PADI4: variants seen among roughly 807,000 people sequenced by gnomAD.
PADI4 encodes peptidyl arginine deiminase 4.
Under a neutral mutation model 75.0 loss-of-function variants are expected in PADI4, and 62 were observed. The ratio of observed to expected loss-of-function variants is 0.83; its 90% confidence interval spans 0.67 to 1.02. The LOEUF is 1.02. Among genes scored for constraint, PADI4 ranks in the 50% least tolerant of loss-of-function variants. The probability of loss-of-function intolerance (pLI) is 0.00; values close to 1 mark genes in which losing one functional copy is unlikely to be tolerated. For synonymous variants in PADI4, 361 were observed against 348.1 expected, an observed-to-expected ratio of 1.04 and a Z score of -0.41; for missense variants, 845 against 850.5, an observed-to-expected ratio of 0.99 and a Z score of 0.08.
rs772971178 is a variant in PADI4 at position 17,363,564 on chromosome 1, C to T, written c.1801C>T (p.Pro601Ser). ...VLGKHLGIPK[P>S]FGPVINGRCC... ...AGGGAAGCACCTGGGCATCCCCAAG[C>T]CCTTCGGGCCCGTCATCAACGGCCG... The change falls in exon 16 of 16, where the codon CCC becomes TCC. Residue 601 changes from proline to serine, a missense_variant. Pro to Ser is a moderately conservative substitution (Grantham distance 74). Coordinates refer to ENST00000375448, the MANE Select transcript of PADI4 (RefSeq NM_012387.3). The T allele has an allele frequency of 1.2e-6, 2 of 1,614,028 alleles. No individual in the cohort carries two copies. The highest frequency in any genetic ancestry group is 2.2e-5 in the South Asian group (2 of 91,052).
chr1:17,347,353 G>T (rs2074535014), intron 9 of PADI4, among the ~76,000 whole-genome samples: 1 of 152,186 alleles, frequency 6.6e-6, no homozygotes, highest in African/African-American at 2.4e-5. Flanking sequence ...TTATAGTAGT[G>T]ATTATGTCCA....
In PADI4 at chr1:17,331,106, C is replaced by T. The variant is rs776514433; in HGVS notation, c.230C>T (p.Thr77Ile). 6.2e-7 allele frequency: 1 copy of T among 1,612,146 alleles called. No homozygotes were observed. The highest frequency in any genetic ancestry group is 8.5e-7 in the Non-Finnish European group (1 of 1,179,178). The change falls in exon 2 of 16, where the codon ACC becomes ATC. Residue 77 changes from threonine to isoleucine, a missense_variant. Coordinates refer to ENST00000375448, the MANE Select transcript of PADI4 (RefSeq NM_012387.3). ...TWPLDPGVEVTLTMKVASGST... is the reference protein window; with the variant it reads ...TWPLDPGVEVILTMKVASGST... ...CCCCTGGACCCTGGGGTAGAGGTGA[C>T]CCTGACGATGAAAGTGGCCAGTGGT...
chr1:17,315,650 A>G (rs2073920013), intron 1 of PADI4, among the ~76,000 whole-genome samples: 1 of 151,890 alleles, frequency 6.6e-6, no homozygotes, highest in South Asian at 2.1e-4. Context: ...GACCCCCAAC[A>G]CTGGCTCCTT....
intron 1 of PADI4, among the ~76,000 whole-genome samples, chr1:17,325,587 G>C (rs2074104584): frequency 6.6e-6 from 1 of 151,594 alleles, no homozygotes; most frequent in South Asian, 2.1e-4. Context: ...GTCAATATTG[G>C]CAGTTTTTTT....
At chr1:17,357,436 G>T (rs1199063994) in intron 13 of PADI4, among the ~76,000 whole-genome samples, 1 of 152,102 alleles carries the variant, frequency 6.6e-6, no homozygotes, top group Non-Finnish European at 1.5e-5. Context: ...CAAAGTGCTG[G>T]GGTTACAGGC....
intron 1 of PADI4, 66 bp downstream of exon 1, chr1:17,308,380 G>A (rs2073710626): frequency 8.0e-7 from 1 of 1,256,086 alleles, no homozygotes; most frequent in African/African-American, 1.5e-5. Context: ...CAGTTCTACT[G>A]ACACAGGAGC....
At position 17,342,188 on chromosome 1, in the gene PADI4, G is replaced by A. The variant is rs572964418; in HGVS notation, c.831+67G>A. The A allele has an allele frequency of 8.1e-5, 124 of 1,530,980 alleles. No individual in the cohort carries two copies. The African/African-American group carries it at 1.4e-3, about 17-fold the overall frequency. The allele number at this position is 1,530,980 out of a possible 1,614,324, so 94.8% of individuals were successfully genotyped here. ...CAGGCAGTGGCCTGGCTAGGGAAAG[G>A]GGTACAGAGCCCAGCTGGGCAGGGG... is the stretch of plus-strand genomic sequence containing the variant. On this transcript the variant is annotated intron_variant, in intron 7 of 15. Transcript: ENST00000375448.
At chr1:17,352,855 G>C (rs965328423) in intron 10 of PADI4, among the ~76,000 whole-genome samples, 2 of 152,186 alleles carry the variant, frequency 1.3e-5, no homozygotes, top group Non-Finnish European at 1.5e-5. Flanking sequence ...CCAGAGATGC[G>C]AACATGAGGG....
intron 10 of PADI4, among the ~76,000 whole-genome samples, chr1:17,353,320 G>A (rs1020866479): frequency 2.0e-5 from 3 of 152,110 alleles, no homozygotes; most frequent in Non-Finnish European, 4.4e-5. Flanking sequence ...TTAAAAATTA[G>A]CCAGGTTGTG....
chr1:17,332,092 G>T (rs1005252441), intron 2 of PADI4, among the ~76,000 whole-genome samples: 1 of 152,142 alleles, frequency 6.6e-6, no homozygotes, highest in African/African-American at 2.4e-5. Context: ...GCTGTCAGCA[G>T]TCTGATCTGT....
At chr1:17,327,458 ATC>A (rs1352933088) in intron 1 of PADI4, among the ~76,000 whole-genome samples, 14 of 152,104 alleles carry the variant, frequency 9.2e-5, no homozygotes, top group African/African-American at 3.4e-4. Flanking sequence ...GTTTCTTATA[ATC>A]AGTATATTAC....
chr1:17,328,529 C>A (rs144234160), intron 1 of PADI4, among the ~76,000 whole-genome samples: 2,429 of 152,114 alleles, frequency 0.016, 34 homozygotes, highest in Non-Finnish European at 0.024. Context: ...CACCTGTAGT[C>A]CCTGCTACTT....
In PADI4 at chr1:17,322,666, T is replaced by A. The variant is rs555120676; in HGVS notation, c.93-8303T>A. ...TATTTATGAACCATGAGAGGCAGGT[T>A]TGAGGGACCCAGTTCCCAGGACTCT... On this transcript the variant is annotated intron_variant, in intron 1 of 15. Coordinates refer to ENST00000375448, the MANE Select transcript of PADI4 (RefSeq NM_012387.3). Among the ~76,000 whole-genome samples the A allele has an allele frequency of 1.9e-3, 290 of 152,262 alleles. 2 individuals are homozygous for A. Among genetic ancestry groups the A allele is most frequent in the African/African-American group, 6.7e-3 (277 of 41,550 alleles).
chr1:17,318,010 A>T (rs1455267205), intron 1 of PADI4, among the ~76,000 whole-genome samples: 1 of 152,196 alleles, frequency 6.6e-6, no homozygotes, highest in East Asian at 1.9e-4. Flanking sequence ...ACCTCCTCTC[A>T]GAAAAACCAA....
Position 17,346,797 on chromosome 1 carries a change from A to G in PADI4, c.1047+658A>G, listed in dbSNP as rs894883640. ...TGCTGTCTCTTGGACCCATCTCCCC[A>G]TTCCCATCCCCCATCTCCAATCCAT... is the stretch of plus-strand genomic sequence containing the variant. On this transcript the variant is annotated intron_variant, in intron 9 of 15. Coordinates refer to ENST00000375448, the MANE Select transcript of PADI4 (RefSeq NM_012387.3). The surrounding 1 kb of genome is among the most constrained non-coding windows in gnomAD (Gnocchi z 4.3). Among the ~76,000 whole-genome samples, 2 of 151,014 alleles carry G rather than the reference A, an allele frequency of 1.3e-5. No homozygotes were observed. The highest frequency in any genetic ancestry group is 4.9e-5 in the African/African-American group (2 of 41,016).
chr1:17,345,984 TC>T (rs770232774), intron 8 of PADI4, 43 bp from the exon 9 acceptor site: 10 of 1,320,474 alleles, frequency 7.6e-6, no homozygotes, highest in Non-Finnish European at 1.1e-5. Context: ...AGGCTGAGCT[TC>T]AAATTCCAGA....
Position 17,346,816 on chromosome 1 carries a change from A to C in PADI4, c.1047+677A>C, listed in dbSNP as rs2074524409. ...CTCCCCATTCCCATCCCCCATCTCCAATCCATACCGGTGAATCCCAGCACA... is the reference window on the plus strand; with the variant it reads ...CTCCCCATTCCCATCCCCCATCTCCCATCCATACCGGTGAATCCCAGCACA... On this transcript the variant is annotated intron_variant, in intron 9 of 15. Coordinates refer to ENST00000375448, the MANE Select transcript of PADI4 (RefSeq NM_012387.3). This position sits in a 1 kb window ranked among gnomAD's most constrained non-coding sequence, Gnocchi z 4.3. Among the ~76,000 whole-genome samples the C allele has an allele frequency of 6.7e-6, 1 of 150,050 alleles. No homozygotes were observed. The highest frequency in any genetic ancestry group is 1.5e-5 in the Non-Finnish European group (1 of 67,542).
intron 10 of PADI4, among the ~76,000 whole-genome samples, chr1:17,353,520 C>T (rs530988601): frequency 6.6e-6 from 1 of 152,078 alleles, no homozygotes; most frequent in Admixed American, 6.5e-5. Flanking sequence ...AGTTCATGGC[C>T]CCCATGAAGC....
intron 13 of PADI4, among the ~76,000 whole-genome samples, chr1:17,358,584 T>C (rs370129336): frequency 1.9e-4 from 2 of 10,380 alleles, no homozygotes; most frequent in Non-Finnish European, 1.7e-4. Context: ...AAAAAAATAA[T>C]AATAAAAATA....
Sources: gnomAD v4.1 joint callset for allele counts (sites outside exome capture counted in the v4.1 genomes callset) on GRCh38, gnomAD v4.1.1 for gene constraint, Gnocchi (gnomAD v3.1) non-coding constraint, MANE v1.5 for transcripts, NCBI Gene and HGNC (gene_info 2026-07-23, HGNC 2026-07-21) for gene names.